The following PPP4R1 variants were observed in gnomAD, a reference collection of about 807,000 sequenced individuals.
PPP4R1 encodes the protein serine/threonine-protein phosphatase 4 regulatory subunit 1.
A neutral mutation model predicts 111.2 loss-of-function variants in PPP4R1; 42 were observed. The observed-to-expected ratio is 0.38, with a 90% CI of 0.29 to 0.49. The LOEUF (loss-of-function observed/expected upper bound fraction) is 0.49. PPP4R1 is among the 20% of genes least tolerant of loss of function. The probability of loss-of-function intolerance (pLI) is 0.97; values close to 1 mark genes in which losing one functional copy is unlikely to be tolerated. For synonymous variants in PPP4R1, 409 were observed against 405.5 expected (o/e 1.01, Z -0.10); for missense variants, 1,012 against 1,161.6 (o/e 0.87, Z 1.87).
intron 4 of PPP4R1, among the ~76,000 whole-genome samples, chr18:9,590,765 T>C (rs1408277406): frequency 6.6e-6 from 1 of 151,952 alleles, no homozygotes; most frequent in Admixed American, 6.6e-5. Context: ...CAGATCTGAA[T>C]GTCAAGGCAA....
chr18:9,584,736 C>T lies in PPP4R1; in HGVS notation c.678G>A (p.Met226Ile). Residue 226 changes from methionine (M) to isoleucine (I), a missense_variant, in exon 7 of 20, where the codon ATG becomes ATA. By Grantham distance (10) the Met-to-Ile change is conservative (BLOSUM62 1). Coordinates refer to ENST00000400556, the MANE Select transcript of PPP4R1 (RefSeq NM_001042388.3). ...RFCEMCCDCRMFHVRKVCAAN... is the reference protein window; with the variant it reads ...RFCEMCCDCRIFHVRKVCAAN... ...AAAAAAATACCTTTCGAACGTGAAACATTCTGCAATCGCAGCACATCTCAC... is the reference window on the plus strand; with the variant it reads ...AAAAAAATACCTTTCGAACGTGAAATATTCTGCAATCGCAGCACATCTCAC... 2 of 1,613,634 alleles carry T rather than the reference C, an allele frequency of 1.2e-6. No individual in the cohort carries two copies. Among genetic ancestry groups the T allele is most frequent in the Non-Finnish European group, 8.5e-7 (1 of 1,179,678 alleles).
chr18:9,579,365 G>A (rs1016018878), intron 9 of PPP4R1, among the ~76,000 whole-genome samples: 2 of 152,084 alleles, frequency 1.3e-5, no homozygotes, highest in African/African-American at 4.8e-5. Context: ...AAATATTAAC[G>A]AATTTCAGAA....
intron 10 of PPP4R1, among the ~76,000 whole-genome samples, chr18:9,571,196 T>C (rs1467069913): frequency 6.6e-6 from 1 of 152,214 alleles, no homozygotes; most frequent in Non-Finnish European, 1.5e-5. Flanking sequence ...AAGATACTTA[T>C]TTGCTATCTC....
chr18:9,550,712 ATGGTCACAGTTT>A (rs2066475553), intron 16 of PPP4R1: 1 of 247,852 alleles, frequency 4.0e-6, no homozygotes. Flanking sequence ...ACACTGATCC[ATGGTCACAGTTT>A]GGAATGTGCT....
At chr18:9,591,017 T>TA (rs1232260971) in intron 4 of PPP4R1, among the ~76,000 whole-genome samples, 1 of 152,064 alleles carries the variant, frequency 6.6e-6, no homozygotes, top group Non-Finnish European at 1.5e-5. Context: ...AGAAAATGAC[T>TA]ACCAATTTTT....
chr18:9,562,104 G>A (rs2066688477), intron 12 of PPP4R1, 29 bp from the exon 13 acceptor site: 4 of 1,518,534 alleles, frequency 2.6e-6, no homozygotes. Flanking sequence ...TACTTAAAGA[G>A]CTGTCCTGTC....
chr18:9,614,364 C>T lies in PPP4R1; in HGVS notation c.8-94G>A. ...CCGCCTCCCCCCCGCCCCGGGGGCG[C>T]CTTCCCGCGCCGGGACCCCACGCCG... On this transcript the variant is annotated intron_variant, in intron 1 of 19. Coordinates refer to ENST00000400556, the MANE Select transcript of PPP4R1 (RefSeq NM_001042388.3). The surrounding 1 kb of genome is among the most constrained non-coding windows in gnomAD (Gnocchi z 4.1). 1.9e-6 allele frequency: 2 copies of T among 1,031,646 alleles called. No homozygotes were observed. The highest frequency in any genetic ancestry group is 2.3e-6 in the Non-Finnish European group (2 of 851,922). 63.9% of individuals were successfully genotyped at this position (1,031,646 alleles called of 1,614,324 possible).
At chr18:9,584,964 A>G in intron 6 of PPP4R1, 136 bp from the exon 7 acceptor site, 1 of 618,478 alleles carries the variant, frequency 1.6e-6, no homozygotes, top group Non-Finnish European at 2.7e-6. Flanking sequence ...ATGACAGAAA[A>G]CATTCATAGC....
At position 9,570,630 on chromosome 18, in the gene PPP4R1, G is replaced by T; in HGVS notation, c.1100C>A (p.Pro367His). ...GGAATTACTAACACTGAGATCTGAAGGAGTATCCTCTGGCCTGACTTGTAC... is the reference window on the plus strand; with the variant it reads ...GGAATTACTAACACTGAGATCTGAATGAGTATCCTCTGGCCTGACTTGTAC... ...EDVQVRPEDTPSDLSVSNSSV... is the reference protein window; with the variant it reads ...EDVQVRPEDTHSDLSVSNSSV... The change falls in exon 11 of 20, where the codon CCT becomes CAT. Residue 367 changes from proline (P) to histidine (H), a missense_variant. Around this residue, in one of 2 missense-constraint regions of PPP4R1, gnomAD observed 707 missense variants for 742.1 expected, o/e 0.95. Transcript: ENST00000400556. 1 of 1,612,950 alleles carries T rather than the reference G, an allele frequency of 6.2e-7. No homozygotes were observed. Among genetic ancestry groups the T allele is most frequent in the African/African-American group, 1.3e-5 (1 of 74,988 alleles).
chr18:9,577,259 G>A (rs1209630050), intron 9 of PPP4R1, 68 bp from the exon 10 acceptor site: 6 of 1,438,362 alleles, frequency 4.2e-6, no homozygotes, highest in Non-Finnish European at 5.7e-6. Flanking sequence ...CACACATTAT[G>A]TATATTTAAT....
chr18:9,566,493 C>A (rs1322889856), intron 11 of PPP4R1, among the ~76,000 whole-genome samples: 2 of 151,446 alleles, frequency 1.3e-5, no homozygotes, highest in South Asian at 2.1e-4. Flanking sequence ...AACAAACAAA[C>A]AAAAAAAACT....
chr18:9,601,204 GT>G (rs35363292), intron 2 of PPP4R1, among the ~76,000 whole-genome samples: 50,564 of 139,622 alleles, frequency 0.36, 9,352 homozygotes, highest in East Asian at 0.55. Context: ...TGTTACTGTT[GT>G]TTTTTTTTTT....
intron 13 of PPP4R1, among the ~76,000 whole-genome samples, chr18:9,561,587 AT>A (rs1344361204): frequency 1.3e-4 from 20 of 152,078 alleles, no homozygotes; most frequent in African/African-American, 4.6e-4. Flanking sequence ...ATTTTTTCAT[AT>A]TTTCATCTCT....
At chr18:9,598,403 T>C (rs1294034096) in intron 2 of PPP4R1, among the ~76,000 whole-genome samples, 1 of 152,094 alleles carries the variant, frequency 6.6e-6, no homozygotes, top group African/African-American at 2.4e-5. Context: ...AAGCTAGTGA[T>C]AAAAACTTTC....
intron 9 of PPP4R1, among the ~76,000 whole-genome samples, chr18:9,579,846 C>T (rs1032583491): frequency 6.6e-6 from 1 of 152,152 alleles, no homozygotes; most frequent in Non-Finnish European, 1.5e-5. Context: ...CATTTTGTAT[C>T]AGAGACTTCT....
At chr18:9,611,784 G>C (rs1408839149) in intron 2 of PPP4R1, among the ~76,000 whole-genome samples, 1 of 152,044 alleles carries the variant, frequency 6.6e-6, no homozygotes, top group Non-Finnish European at 1.5e-5. Flanking sequence ...GGCCAAGGCA[G>C]GTGGATCACC....
chr18:9,614,107 G>T lies in PPP4R1; in HGVS notation c.52+119C>A, dbSNP rs1327825338. 28 of 917,592 alleles carry T rather than the reference G, an allele frequency of 3.1e-5. No homozygotes were observed. The East Asian group carries it at 1.1e-3, about 36-fold the overall frequency. 56.8% of individuals were successfully genotyped at this position (917,592 alleles called of 1,614,324 possible). On this transcript the variant is annotated intron_variant, in intron 2 of 19. Coordinates refer to ENST00000400556, the MANE Select transcript of PPP4R1 (RefSeq NM_001042388.3). The surrounding 1 kb of genome is among the most constrained non-coding windows in gnomAD (Gnocchi z 4.1). ...CCGATCGCCACCCCAGCCCGCCTGG[G>T]GCCGCCCTCGCCCACCGTCCCCTCA...
intron 2 of PPP4R1, among the ~76,000 whole-genome samples, chr18:9,605,725 T>C (rs1255507528): frequency 6.6e-6 from 1 of 152,162 alleles, no homozygotes; most frequent in Non-Finnish European, 1.5e-5. Flanking sequence ...GTAATGTCCT[T>C]ACAGCAAAAG....
intron 16 of PPP4R1, among the ~76,000 whole-genome samples, chr18:9,552,464 T>C (rs1381257383): frequency 2.0e-5 from 3 of 152,206 alleles, no homozygotes; most frequent in African/African-American, 4.8e-5. Flanking sequence ...CTCACAAATA[T>C]GCACAATTAT....
Sources: allele counts gnomAD v4.1 joint callset (sites outside exome capture counted in the v4.1 genomes callset), GRCh38; gene constraint gnomAD v4.1.1; regional missense constraint gnomAD v4.1.1; non-coding constraint Gnocchi (gnomAD v3.1); transcripts MANE v1.5; gene names NCBI Gene and HGNC (gene_info 2026-07-23, HGNC 2026-07-21).